Variants in LFNG observed in about 807,000 individuals in gnomAD.
The protein encoded by LFNG is LFNG O-fucosylpeptide 3-beta-N-acetylglucosaminyltransferase.
A neutral mutation model predicts 32.7 loss-of-function variants in LFNG; 15 were observed. That is an observed-to-expected ratio of 0.46 (90% confidence interval 0.31 to 0.71). The LOEUF is 0.71. Ranked by LOEUF, LFNG falls within the 30% of genes least tolerant of loss-of-function variation. The probability of loss-of-function intolerance (pLI) is 0.06; values close to 1 mark genes in which losing one functional copy is unlikely to be tolerated. For synonymous variants in LFNG, 274 were observed against 246.8 expected, an observed-to-expected ratio of 1.11 and a Z score of -1.03; for missense variants, 520 against 545.7, an observed-to-expected ratio of 0.95 and a Z score of 0.47.
chr7:2,520,383 CT>C lies in LFNG; in HGVS notation c.432+91del, dbSNP rs1779758096. 8.3e-7 allele frequency: 1 copy of C among 1,208,552 alleles called. No homozygotes were observed. The highest frequency in any genetic ancestry group is 1.2e-6 in the Non-Finnish European group (1 of 860,794). 74.9% of individuals were successfully genotyped at this position (1,208,552 alleles called of 1,614,324 possible). On this transcript the variant is annotated intron_variant, in intron 1 of 7. Coordinates refer to ENST00000222725, the MANE Select transcript of LFNG (RefSeq NM_001040167.2). The surrounding 1 kb of genome is among the most constrained non-coding windows in gnomAD (Gnocchi z 5.0). ...GTGGCAGTGTCCCATGGGAGTCAGG[CT>C]GCATCCCCATCCAGCCACTAGGGCC... is the stretch of plus-strand genomic sequence containing the variant.
upstream of LFNG, among the ~76,000 whole-genome samples, chr7:2,517,180 C>T (rs893756696): frequency 3.3e-5 from 5 of 152,132 alleles, no homozygotes; most frequent in African/African-American, 7.2e-5. Flanking sequence ...CCTGGGGAAG[C>T]GGGCGGGGGT....
At chr7:2,524,221 G>C (rs1779874665) in intron 1 of LFNG, among the ~76,000 whole-genome samples, 1 of 152,146 alleles carries the variant, frequency 6.6e-6, no homozygotes, top group Admixed American at 6.5e-5. Flanking sequence ...TTGAGACTTG[G>C]CTTCCCACAG....
In LFNG at chr7:2,519,963, C is replaced by T. The variant is rs1436541279; in HGVS notation, c.102C>T (p.Pro34=). ...CCGACCCGCCGCCGCCTCCACTGCC[C>T]GCCGAGCGCGGCCGGCGCGCGCTGC... ...LTADPPPPPL[P]AERGRRALRS... is the part of the protein sequence containing the mutation. The change falls in exon 1 of 8, where the codon CCC becomes CCT. Residue 34 remains proline, a synonymous_variant. Coordinates refer to ENST00000222725, the MANE Select transcript of LFNG (RefSeq NM_001040167.2). 2.0e-6 allele frequency: 2 copies of T among 988,926 alleles called. No homozygotes were observed. The highest frequency in any genetic ancestry group is 1.1e-4 in the East Asian group (1 of 9,048). The allele number at this position is 988,926 out of a possible 1,614,324, so 61.3% of individuals were successfully genotyped here. A position where few individuals can be genotyped will look rare whatever the true frequency, so the allele number is the denominator to read the frequency against.
upstream of LFNG, chr7:2,517,833 G>A (rs767402853): frequency 2.7e-5 from 33 of 1,225,482 alleles, no homozygotes; most frequent in Non-Finnish European, 3.3e-5. Flanking sequence ...AATATCAGGC[G>A]GGACTTTAAC....
At chr7:2,513,568 C>T (rs919748073), upstream of LFNG, among the ~76,000 whole-genome samples, 1 of 152,210 alleles carries the variant, frequency 6.6e-6, no homozygotes, top group African/African-American at 2.4e-5. Context: ...CCCCTCCTCC[C>T]ACTGCTCTGT....
In LFNG at chr7:2,526,910, C is replaced by T. The variant is rs749905352; in HGVS notation, c.1062C>T (p.Ala354=). The T allele has an allele frequency of 3.1e-6, 5 of 1,612,342 alleles. No individual in the cohort carries two copies. Among genetic ancestry groups the T allele is most frequent in the African/African-American group, 2.7e-5 (2 of 74,870 alleles). The change falls in exon 7 of 8, where the codon GCC becomes GCT. Residue 354 remains alanine (A), a synonymous_variant. Coordinates refer to ENST00000222725, the MANE Select transcript of LFNG (RefSeq NM_001040167.2). The surrounding 1 kb of genome is among the most constrained non-coding windows in gnomAD (Gnocchi z 6.9). ...VHVKGPFSVE[A]DPSRFRSIHC... is the part of the protein sequence containing the mutation. ...TGAAGGGGCCCTTCTCGGTGGAGGC[C>T]GACCCATCCAGGTAAGGAAACCCCG...
chr7:2,515,992 G>A (rs1330826906), upstream of LFNG, among the ~76,000 whole-genome samples: 1 of 152,246 alleles, frequency 6.6e-6, no homozygotes, highest in Non-Finnish European at 1.5e-5. Flanking sequence ...GCTGCTCACA[G>A]AAGCTCCTGG....
intron 1 of LFNG, among the ~76,000 whole-genome samples, chr7:2,524,075 G>A (rs757414780): frequency 3.3e-5 from 5 of 152,192 alleles, no homozygotes; most frequent in Non-Finnish European, 7.4e-5. Context: ...AGTTAAGGCC[G>A]GCCCGGCGCC....
chr7:2,518,922 T>G (rs1779698450), upstream of LFNG, among the ~76,000 whole-genome samples: 1 of 149,522 alleles, frequency 6.7e-6, no homozygotes, highest in East Asian at 2.0e-4. Context: ...CCCGGGCCCG[T>G]GGGAAGGGCC....
intron 1 of LFNG, among the ~76,000 whole-genome samples, chr7:2,521,396 G>T (rs1779787180): frequency 6.6e-6 from 1 of 152,226 alleles, no homozygotes; most frequent in South Asian, 2.1e-4. Flanking sequence ...TCCCAGCGCC[G>T]GGCGGCTCTC....
chr7:2,517,194 T>C (rs1375726167), upstream of LFNG, among the ~76,000 whole-genome samples: 1 of 152,008 alleles, frequency 6.6e-6, no homozygotes, highest in East Asian at 1.9e-4. Context: ...CGGGGGTGGC[T>C]AGGCGGGCCA....
chr7:2,524,307 G>A (rs1286506961), intron 1 of LFNG, among the ~76,000 whole-genome samples: 1 of 152,220 alleles, frequency 6.6e-6, no homozygotes, highest in African/African-American at 2.4e-5. Context: ...TGGCAGGCTG[G>A]GTGCTGTGTC....
chr7:2,512,587 C>G, exon 1 of LFNG: 1 of 1,432,086 alleles, frequency 7.0e-7, no homozygotes, highest in Non-Finnish European at 9.8e-7. Context: ...GGACAGAGGC[C>G]AAGGCGGCTC....
At chr7:2,516,434 C>A (rs972279475), upstream of LFNG, among the ~76,000 whole-genome samples, 4 of 152,232 alleles carry the variant, frequency 2.6e-5, no homozygotes, top group Admixed American at 2.6e-4. Flanking sequence ...TCAAAGCCAG[C>A]CCCGAGCCCT....
upstream of LFNG, among the ~76,000 whole-genome samples, chr7:2,519,315 G>A (rs1287365065): frequency 1.3e-5 from 2 of 152,194 alleles, no homozygotes; most frequent in Non-Finnish European, 2.9e-5. Context: ...GCGTCCCAAG[G>A]GGAGGAAGCC....
upstream of LFNG, chr7:2,513,146 C>A: frequency 6.2e-7 from 1 of 1,613,158 alleles, no homozygotes; most frequent in Non-Finnish European, 8.5e-7. Flanking sequence ...TCACCTACTA[C>A]CTTCCCCCAG....
chr7:2,517,791 A>T, upstream of LFNG: 1 of 1,040,116 alleles, frequency 9.6e-7, no homozygotes, highest in Non-Finnish European at 1.3e-6. Flanking sequence ...GGCCTCAAGA[A>T]ACGGGGCTGG....
chr7:2,526,410 G>C lies in LFNG; in HGVS notation c.987+1G>C. On this transcript the variant is annotated splice_donor_variant, in intron 6 of 7. Transcript: ENST00000222725. LOFTEE classifies it high-confidence loss of function. The surrounding 1 kb of genome is among the most constrained non-coding windows in gnomAD (Gnocchi z 6.9). ...GCCCACCTCGGAGCTCCACGAGCAG[G>C]TGCACCATCCTCCGGGCCCCGCCAG... 2 of 1,606,870 alleles carry C rather than the reference G, an allele frequency of 1.2e-6. No individual in the cohort carries two copies. The highest frequency in any genetic ancestry group is 1.7e-6 in the Non-Finnish European group (2 of 1,179,888).
chr7:2,520,253 AC>A lies in LFNG; in HGVS notation c.394del (p.Leu132CysfsTer13), dbSNP rs759615996. On this transcript the variant is annotated frameshift_variant, in exon 1 of 8. Coordinates refer to ENST00000222725, the MANE Select transcript of LFNG (RefSeq NM_001040167.2). LOFTEE classifies it high-confidence loss of function. The surrounding 1 kb of genome is among the most constrained non-coding windows in gnomAD (Gnocchi z 5.0). ...TTKKFHRARL[D>X]LLLETWISRH... ...AAAAAGTTCCACCGCGCGCGCCTCG[AC>A]CTGCTGCTGGAGACCTGGATCTCGC... The A allele has an allele frequency of 6.2e-7, 1 of 1,608,638 alleles. No homozygotes were observed.
Sources: allele counts gnomAD v4.1 joint callset (sites outside exome capture counted in the v4.1 genomes callset), GRCh38; gene constraint gnomAD v4.1.1; non-coding constraint Gnocchi (gnomAD v3.1); transcripts MANE v1.5; gene names NCBI Gene and HGNC (gene_info 2026-07-23, HGNC 2026-07-21).